EBF2: variants seen among roughly 807,000 people sequenced by gnomAD.
The protein encoded by EBF2 is EBF transcription factor 2, also known as transcription factor COE2.
EBF2 carries 21 observed loss-of-function variants against 72.8 expected under a neutral mutation model. The observed-to-expected ratio is 0.29, with a 90% CI of 0.20 to 0.42. EBF2 has a LOEUF of 0.42. Among genes scored for constraint, EBF2 ranks in the 10% least tolerant of loss-of-function variants. The probability of loss-of-function intolerance (pLI) is 1.00; values close to 1 mark genes in which losing one functional copy is unlikely to be tolerated. For synonymous variants in EBF2, 299 were observed against 274.2 expected (o/e 1.09, Z -0.89); for missense variants, 637 against 731.2 (o/e 0.87, Z 1.49).
At chr8:25,964,765 G>C (rs1804088416) in intron 6 of EBF2, among the ~76,000 whole-genome samples, 1 of 152,194 alleles carries the variant, frequency 6.6e-6, no homozygotes, top group Admixed American at 6.5e-5. Context: ...TTTGGACAAG[G>C]CTACAGTCCA....
chr8:25,942,962 T>C (rs1324357677), intron 6 of EBF2, among the ~76,000 whole-genome samples: 1 of 152,204 alleles, frequency 6.6e-6, no homozygotes, highest in Non-Finnish European at 1.5e-5. Context: ...GGTAACCTCC[T>C]GGAGCTCAGG....
chr8:25,976,446 G>T (rs1183715038), intron 6 of EBF2, among the ~76,000 whole-genome samples: 4 of 152,110 alleles, frequency 2.6e-5, no homozygotes, highest in Non-Finnish European at 5.9e-5. Flanking sequence ...ATAACATTCT[G>T]GGCAAATCCT....
At chr8:25,859,531 G>A (rs541371044) in intron 13 of EBF2, among the ~76,000 whole-genome samples, 40 of 152,270 alleles carry the variant, frequency 2.6e-4, no homozygotes, top group East Asian at 9.6e-4. Flanking sequence ...TGCCTGGGAC[G>A]GGGGAAGGAG....
Position 25,935,874 on chromosome 8 carries a change from C to A in EBF2, c.552-27319G>T, listed in dbSNP as rs145874994. Among the ~76,000 whole-genome samples the A allele has an allele frequency of 5.3e-5, 8 of 152,226 alleles. No individual in the cohort carries two copies. In the East Asian group the frequency reaches 1.5e-3, roughly 29 times the overall value. ...AAATATTCCTTAAAGAGGCACTAAC[C>A]CTGTTTGTGTGGCAAGGCTTGCGTG... On this transcript the variant is annotated intron_variant, in intron 6 of 15. Coordinates refer to ENST00000520164, the MANE Select transcript of EBF2 (RefSeq NM_022659.4).
At chr8:25,967,524 AG>A (rs1319721284) in intron 6 of EBF2, among the ~76,000 whole-genome samples, 1 of 152,248 alleles carries the variant, frequency 6.6e-6, no homozygotes, top group Admixed American at 6.5e-5. Context: ...GTTATAATAA[AG>A]TGTTGAAAAG....
chr8:25,871,592 A>G (rs1443405015), intron 10 of EBF2, among the ~76,000 whole-genome samples: 1 of 152,218 alleles, frequency 6.6e-6, no homozygotes, highest in Non-Finnish European at 1.5e-5. Context: ...TCAAGAGGGA[A>G]TTCAAGAGAG....
chr8:25,996,455 G>A (rs986819076), intron 6 of EBF2, among the ~76,000 whole-genome samples: 2 of 151,650 alleles, frequency 1.3e-5, no homozygotes, highest in Non-Finnish European at 2.9e-5. Context: ...TAACAAATCA[G>A]TCACTTAAAA....
chr8:25,899,234 C>A (rs1476861506), intron 7 of EBF2, among the ~76,000 whole-genome samples: 3 of 150,714 alleles, frequency 2.0e-5, no homozygotes, highest in African/African-American at 7.4e-5. Flanking sequence ...TCCGACCCTC[C>A]ACAGTTTTTT....
intron 10 of EBF2, among the ~76,000 whole-genome samples, chr8:25,873,659 T>A: frequency 6.6e-6 from 1 of 152,230 alleles, no homozygotes; most frequent in African/African-American, 2.4e-5. Flanking sequence ...AAATGAAATA[T>A]TAATTTAATA....
chr8:25,977,255 C>T lies in EBF2; in HGVS notation c.551+55830G>A, dbSNP rs149862380. On this transcript the variant is annotated intron_variant, in intron 6 of 15. Transcript: ENST00000520164. ...AGCTGTCCCCTTAATACGTGCACATCGCATGCTCCCAGCGGGTCAGGTACT... is the reference window on the plus strand; with the variant it reads ...AGCTGTCCCCTTAATACGTGCACATTGCATGCTCCCAGCGGGTCAGGTACT... Among the ~76,000 whole-genome samples the T allele has an allele frequency of 2.0e-3, 299 of 152,250 alleles. 2 individuals carry two copies. Among genetic ancestry groups the T allele is most frequent in the African/African-American group, 7.0e-3 (290 of 41,548 alleles).
intron 6 of EBF2, among the ~76,000 whole-genome samples, chr8:26,021,642 T>C (rs768279062): frequency 5.9e-5 from 9 of 152,232 alleles, no homozygotes; most frequent in Non-Finnish European, 1.3e-4. Flanking sequence ...GACAAACTTA[T>C]GCTGAAAAAT....
In EBF2 at chr8:26,044,621, G is replaced by A. The variant is rs1188581840; in HGVS notation, c.131+108C>T. 12 of 1,472,796 alleles carry A rather than the reference G, an allele frequency of 8.1e-6. No homozygotes were observed. Among genetic ancestry groups the A allele is most frequent in the Admixed American group, 2.0e-5 (1 of 50,314 alleles). 91.2% of individuals were successfully genotyped at this position (1,472,796 alleles called of 1,614,324 possible). On this transcript the variant is annotated intron_variant, in intron 1 of 15. Coordinates refer to ENST00000520164, the MANE Select transcript of EBF2 (RefSeq NM_022659.4). The surrounding 1 kb of genome is among the most constrained non-coding windows in gnomAD (Gnocchi z 4.1). The stretch of plus-strand genomic sequence containing the variant: ...AGCGCGCAGGGCCTGGGCGACAGAT[G>A]GGGGGACAGGGAGAGAGAAAGGCAC...
At chr8:25,986,991 C>A (rs1409370582) in intron 6 of EBF2, among the ~76,000 whole-genome samples, 1 of 152,192 alleles carries the variant, frequency 6.6e-6, no homozygotes, top group East Asian at 1.9e-4. Flanking sequence ...TTCTGTAACC[C>A]ATGAGGCTCT....
intron 10 of EBF2, among the ~76,000 whole-genome samples, chr8:25,868,657 G>T (rs1184785623): frequency 6.6e-6 from 1 of 152,022 alleles, no homozygotes; most frequent in African/African-American, 2.4e-5. Flanking sequence ...TGTATTTTTG[G>T]TAGAGATGGG....
chr8:25,847,471 A>G (rs1563372049), intron 15 of EBF2, among the ~76,000 whole-genome samples: 2 of 152,122 alleles, frequency 1.3e-5, no homozygotes, highest in Non-Finnish European at 1.5e-5. Context: ...GCTTCCATGC[A>G]CCTGGTCTAA....
chr8:25,918,381 A>G (rs1384574671), intron 6 of EBF2, among the ~76,000 whole-genome samples: 1 of 152,240 alleles, frequency 6.6e-6, no homozygotes, highest in Non-Finnish European at 1.5e-5. Flanking sequence ...ACCTGCTCCC[A>G]TACCATATGC....
chr8:25,861,282 A>G (rs754872417), intron 12 of EBF2, 27 bp downstream of exon 12: 62 of 1,614,014 alleles, frequency 3.8e-5, no homozygotes, highest in Admixed American at 5.0e-5. Flanking sequence ...GCAAAACTCA[A>G]TAAAGGATAG....
At chr8:25,997,845 A>G (rs1404260722) in intron 6 of EBF2, among the ~76,000 whole-genome samples, 2 of 152,190 alleles carry the variant, frequency 1.3e-5, no homozygotes, top group African/African-American at 4.8e-5. Context: ...TTCAAATAGC[A>G]GTTTCCTCTG....
chr8:26,007,914 T>A (rs200510066), intron 6 of EBF2, among the ~76,000 whole-genome samples: 1,539 of 147,514 alleles, frequency 0.01, 16 homozygotes, highest in South Asian at 0.037. Flanking sequence ...AAAAAAAAAA[T>A]AATAATTTTA....
Sources: gnomAD v4.1 joint callset for allele counts (sites outside exome capture counted in the v4.1 genomes callset) on GRCh38, gnomAD v4.1.1 for gene constraint, Gnocchi (gnomAD v3.1) non-coding constraint, MANE v1.5 for transcripts, NCBI Gene and HGNC (gene_info 2026-07-23, HGNC 2026-07-21) for gene names.